The following NBAS variants were observed in gnomAD, a reference collection of about 807,000 sequenced individuals.
NBAS encodes the protein NAG/BC035112 fusion.
In NBAS, 219 loss-of-function variants were observed where a neutral mutation model predicts 302.5. The observed-to-expected ratio is 0.72, with a 90% confidence interval of 0.65 to 0.81. The LOEUF (loss-of-function observed/expected upper bound fraction) is 0.81. Ranked by LOEUF, NBAS falls within the 30% of genes least tolerant of loss-of-function variation. The pLI is 0.00. For synonymous variants in NBAS, 1,118 were observed against 1,021.6 expected, an observed-to-expected ratio of 1.09 and a Z score of -1.80; for missense variants, 2,932 against 2,841.6, an observed-to-expected ratio of 1.03 and a Z score of -0.72.
the NBAS span, among the ~76,000 whole-genome samples, chr2:15,099,344 G>T: frequency 6.6e-6 from 1 of 151,896 alleles, no homozygotes; most frequent in Non-Finnish European, 1.5e-5. Context: ...TTTCTGAGAG[G>T]ATATGATTAC....
At chr2:15,248,786 C>CAAT (rs1668224706) in intron 44 of NBAS, among the ~76,000 whole-genome samples, 1 of 152,058 alleles carries the variant, frequency 6.6e-6, no homozygotes, top group African/African-American at 2.4e-5. Flanking sequence ...CTGAATAGAC[C>CAAT]AATAACAAGT....
At chr2:14,862,765 G>A in the NBAS span, among the ~76,000 whole-genome samples, 4 of 152,096 alleles carry the variant, frequency 2.6e-5, no homozygotes, top group Non-Finnish European at 4.4e-5. Context: ...GATGATTCCC[G>A]AATTCTAAGT....
chr2:15,344,299 G>C (rs1483527569), intron 35 of NBAS, among the ~76,000 whole-genome samples: 1 of 151,862 alleles, frequency 6.6e-6, no homozygotes, highest in Non-Finnish European at 1.5e-5. Context: ...GAATCAAATA[G>C]ACACAATAAA....
intron 35 of NBAS, among the ~76,000 whole-genome samples, chr2:15,347,010 G>A (rs1162597318): frequency 6.6e-6 from 1 of 152,142 alleles, no homozygotes; most frequent in Non-Finnish European, 1.5e-5. Context: ...GAGGGGTTGC[G>A]GGAGAGGAGA....
intron 28 of NBAS, among the ~76,000 whole-genome samples, chr2:15,387,535 C>T (rs11689686): frequency 0.62 from 94,144 of 151,958 alleles, 29,959 homozygotes; most frequent in Middle Eastern, 0.68. Flanking sequence ...ATTATCTTTT[C>T]ACTCACTTAT....
the NBAS span, among the ~76,000 whole-genome samples, chr2:14,827,750 A>G: frequency 1.3e-5 from 2 of 152,188 alleles, no homozygotes; most frequent in Non-Finnish European, 2.9e-5. Context: ...TGAAATAATC[A>G]AACTTAGAGG....
At chr2:15,542,774 A>G (rs1395571761) in intron 6 of NBAS, among the ~76,000 whole-genome samples, 2 of 152,212 alleles carry the variant, frequency 1.3e-5, no homozygotes, top group Non-Finnish European at 2.9e-5. Context: ...TCCCCTGAAA[A>G]TATTTATGTG....
chr2:15,496,272 G>A (rs1681067763), intron 11 of NBAS, among the ~76,000 whole-genome samples: 1 of 152,112 alleles, frequency 6.6e-6, no homozygotes, highest in Admixed American at 6.5e-5. Flanking sequence ...AGAATGTCCA[G>A]AATAGGCAAA....
At chr2:15,446,461 C>T (rs1678748087) in intron 21 of NBAS, among the ~76,000 whole-genome samples, 1 of 152,088 alleles carries the variant, frequency 6.6e-6, no homozygotes, top group African/African-American at 2.4e-5. Context: ...AATAAAATAT[C>T]TTCCAAAACT....
chr2:15,034,935 C>G, the NBAS span, among the ~76,000 whole-genome samples: 1 of 151,992 alleles, frequency 6.6e-6, no homozygotes, highest in Non-Finnish European at 1.5e-5. Flanking sequence ...GGGTTGTTAG[C>G]AAAAATGATA....
At position 15,397,487 on chromosome 2, in the gene NBAS, C is replaced by T. The variant is rs893143859; in HGVS notation, c.3072-1012G>A. ...GGCAGCACCCGCAGGTCAAAATTGGCGTGGGGGTGTTCGGTCCTTGCAGGC... is the reference window on the plus strand; with the variant it reads ...GGCAGCACCCGCAGGTCAAAATTGGTGTGGGGGTGTTCGGTCCTTGCAGGC... On this transcript the variant is annotated intron_variant, in intron 26 of 51. Coordinates refer to ENST00000281513, the MANE Select transcript of NBAS (RefSeq NM_015909.4). 8.1e-5 allele frequency: 44 copies of T among 540,674 alleles called. 1 individual carries two copies. Among genetic ancestry groups the T allele is most frequent in the Admixed American group, 7.9e-4 (36 of 45,702 alleles). 33.5% of individuals were successfully genotyped at this position (540,674 alleles called of 1,614,324 possible). A position where few individuals can be genotyped will look rare whatever the true frequency, so the allele number is the denominator to read the frequency against.
chr2:15,499,407 T>C (rs1411082513), intron 11 of NBAS, among the ~76,000 whole-genome samples: 1 of 152,176 alleles, frequency 6.6e-6, no homozygotes, highest in Admixed American at 6.5e-5. Context: ...GTTACATACA[T>C]GGAATATTAT....
the NBAS span, among the ~76,000 whole-genome samples, chr2:14,966,511 T>C: frequency 6.6e-6 from 1 of 152,172 alleles, no homozygotes; most frequent in African/African-American, 2.4e-5. Context: ...TCGCCCTCCA[T>C]ATACACAAGT....
the NBAS span, among the ~76,000 whole-genome samples, chr2:15,088,604 C>G: frequency 2.6e-5 from 4 of 152,212 alleles, no homozygotes; most frequent in Non-Finnish European, 5.9e-5. Context: ...GTCCTCAACA[C>G]ACTGCAAGTG....
chr2:14,828,774 A>T, the NBAS span, among the ~76,000 whole-genome samples: 1 of 152,192 alleles, frequency 6.6e-6, no homozygotes, highest in African/African-American at 2.4e-5. Flanking sequence ...TGCAATCCAT[A>T]GGACTTGCTG....
intron 40 of NBAS, among the ~76,000 whole-genome samples, chr2:15,302,113 C>T (rs1379261115): frequency 1.3e-5 from 2 of 152,224 alleles, no homozygotes; most frequent in African/African-American, 2.4e-5. Flanking sequence ...AAGGTGAGAA[C>T]ACAGGGTGGA....
At chr2:14,803,948 C>T in the NBAS span, among the ~76,000 whole-genome samples, 2 of 152,164 alleles carry the variant, frequency 1.3e-5, no homozygotes, top group Admixed American at 1.3e-4. Flanking sequence ...CCGTGCCCAG[C>T]CTTGTCTGCT....
chr2:15,279,732 T>A (rs721858), intron 42 of NBAS, among the ~76,000 whole-genome samples: 89,927 of 152,032 alleles, frequency 0.59, 29,418 homozygotes, highest in African/African-American at 0.87. Flanking sequence ...CTTTACTGAC[T>A]CATGATAAAT....
At chr2:15,060,588 G>C in the NBAS span, among the ~76,000 whole-genome samples, 280 of 152,264 alleles carry the variant, frequency 1.8e-3, 3 homozygotes, top group East Asian at 0.048. Flanking sequence ...GTCCCAGGAG[G>C]CAGATGAGGG....
Sources: gnomAD v4.1 joint callset for allele counts (sites outside exome capture counted in the v4.1 genomes callset) on GRCh38, gnomAD v4.1.1 for gene constraint, MANE v1.5 for transcripts, NCBI Gene and HGNC (gene_info 2026-07-23, HGNC 2026-07-21) for gene names.